Variants in FFAR3 observed in about 807,000 individuals in gnomAD.
FFAR3 encodes the protein free fatty acid receptor 3.
For missense variants in FFAR3, 136 were observed against 446.5 expected (o/e 0.30, Z 6.27); for synonymous variants, 68 against 201.1 (o/e 0.34, Z 5.60).
chr19:35,358,412 C>A (rs2066973823), upstream of FFAR3: 1 of 1,068,564 alleles, frequency 9.4e-7, no homozygotes, highest in Non-Finnish European at 1.1e-6. Flanking sequence ...TTAGAGCATC[C>A]CAGCTGAGAC....
In FFAR3 at chr19:35,359,706, C is replaced by T. The variant is rs754993903; in HGVS notation, c.816C>T (p.Asp272=). ...TCAGCACCCTGAACTCCTGTGTCGA[C>T]CCCTTTGTCTACTACTTCTCCTCCT... ...TLLSTLNSCV[D]PFVYYFSSSG... is the part of the protein sequence containing the mutation. Residue 272 remains aspartate (D), a synonymous_variant, in exon 2 of 2, where the codon GAC becomes GAT. Coordinates refer to ENST00000327809, the MANE Select transcript of FFAR3 (RefSeq NM_005304.5). The T allele has an allele frequency of 6.2e-7, 1 of 1,613,892 alleles. No homozygotes were observed. The highest frequency in any genetic ancestry group is 8.5e-7 in the Non-Finnish European group (1 of 1,179,878).
Position 35,359,733 on chromosome 19 carries a change from C to G in FFAR3, c.843C>G (p.Ser281=), listed in dbSNP as rs199884130. 1.2e-6 allele frequency: 2 copies of G among 1,613,686 alleles called. No homozygotes were observed. The highest frequency in any genetic ancestry group is 1.7e-6 in the Non-Finnish European group (2 of 1,179,764). The change falls in exon 2 of 2, where the codon TCC becomes TCG. Residue 281 remains serine, a synonymous_variant. Coordinates refer to ENST00000327809, the MANE Select transcript of FFAR3 (RefSeq NM_005304.5). ...VDPFVYYFSS[S]GFQADFHELL... ...CCTTTGTCTACTACTTCTCCTCCTCCGGGTTCCAAGCCGACTTTCATGAGC... is the reference window on the plus strand; with the variant it reads ...CCTTTGTCTACTACTTCTCCTCCTCGGGGTTCCAAGCCGACTTTCATGAGC...
At position 35,360,184 on chromosome 19, in the gene FFAR3, C is replaced by T; in HGVS notation, c.*253C>T. On this transcript the variant is annotated 3_prime_UTR_variant, in exon 2 of 2. Transcript: ENST00000327809. ...GGCTGCTCTGGAGAACAATGAGGTC[C>T]TCATAGCAGCAGGCAGCTCCTGTGT... The T allele has an allele frequency of 1.9e-6, 1 of 538,984 alleles. No homozygotes were observed. The allele number at this position is 538,984 out of a possible 1,614,324, so 33.4% of individuals were successfully genotyped here.
At position 35,359,067 on chromosome 19, in the gene FFAR3, C is replaced by T; in HGVS notation, c.177C>T (p.Ala59=). The T allele has an allele frequency of 6.2e-7, 1 of 1,611,806 alleles. No homozygotes were observed. The highest frequency in any genetic ancestry group is 8.5e-7 in the Non-Finnish European group (1 of 1,178,428). The part of the protein sequence containing the change: ...AVDVLLLNLT[A]SDLLLLLFLP... ...ACGTGCTCCTGCTCAACCTGACCGC[C>T]TCGGACCTGCTCCTGCTGCTGTTCC... Residue 59 remains alanine (A), a synonymous_variant, in exon 2 of 2, where the codon GCC becomes GCT. Transcript: ENST00000327809.
chr19:35,359,024 G>A lies in FFAR3; in HGVS notation c.134G>A (p.Arg45His), dbSNP rs62109581. The A allele has an allele frequency of 0.22, 342,827 of 1,585,386 alleles. 9,556 individuals are homozygous for A. Among genetic ancestry groups the A allele is most frequent in the Middle Eastern group, 0.28 (1,651 of 5,924 alleles). Reference protein sequence around the residue: ...ALVVFVGKLQRRPVAVDVLLL... With the variant: ...ALVVFVGKLQHRPVAVDVLLL... ...GTGGTCTTCGTGGGCAAGCTGCAGC[G>A]CCGCCCGGTGGCCGTGGACGTGCTC... Residue 45 changes from arginine (R) to histidine (H), a missense_variant, in exon 2 of 2, where the codon CGC (arginine) becomes CAC (histidine). By Grantham distance (29) the Arg-to-His change is conservative. Coordinates refer to ENST00000327809, the MANE Select transcript of FFAR3 (RefSeq NM_005304.5).
rs1248516403 is a variant in FFAR3, at chr19:35,358,491, C to T, written c.-170C>T. Reference sequence around the variant, plus strand: ...TTAGCATGCTGACCAGCCCTGGCAACGGAGCTCAAGGCATCTATGTGCCAC... The same window carrying T: ...TTAGCATGCTGACCAGCCCTGGCAATGGAGCTCAAGGCATCTATGTGCCAC... On this transcript the variant is annotated 5_prime_UTR_variant, in exon 1 of 2. It adds an upstream start codon to the 5' untranslated region. Coordinates refer to ENST00000327809, the MANE Select transcript of FFAR3 (RefSeq NM_005304.5). 8.5e-5 allele frequency: 99 copies of T among 1,169,638 alleles called. No individual in the cohort carries two copies. The highest frequency in any genetic ancestry group is 1.2e-4 in the South Asian group (6 of 48,254). The allele number at this position is 1,169,638 out of a possible 1,614,324, so 72.5% of individuals were successfully genotyped here.
chr19:35,358,795 A>G (rs1599704846), intron 1 of FFAR3, 85 bp from the exon 2 acceptor site: 1 of 1,195,848 alleles, frequency 8.4e-7, no homozygotes, highest in Non-Finnish European at 1.2e-6. Flanking sequence ...GGGCGTAGTG[A>G]CCTCGTGCCC....
rs1441585440 is a variant in FFAR3, at chr19:35,359,541, C to T, written c.651C>T (p.His217=). The part of the protein sequence containing the change: ...LVWILGRGGS[H]RRQRRVAGLL... ...GGATCCTCGGCAGAGGGGGCAGCCA[C>T]CGCCGGCAGAGGAGGGTGGCGGGGC... The change falls in exon 2 of 2, where the codon CAC becomes CAT. Residue 217 remains histidine, a synonymous_variant. Coordinates refer to ENST00000327809, the MANE Select transcript of FFAR3 (RefSeq NM_005304.5). 6.2e-7 allele frequency: 1 copy of T among 1,613,916 alleles called. No homozygotes were observed.
At position 35,358,505 on chromosome 19, in the gene FFAR3, T is replaced by G; in HGVS notation, c.-156T>G. The G allele has an allele frequency of 1.7e-6, 2 of 1,197,860 alleles. No homozygotes were observed. Among genetic ancestry groups the G allele is most frequent in the Non-Finnish European group, 1.0e-6 (1 of 955,836 alleles). 74.2% of individuals were successfully genotyped at this position (1,197,860 alleles called of 1,614,324 possible). A position where few individuals can be genotyped will look rare whatever the true frequency, so the allele number is the denominator to read the frequency against. ...AGCCCTGGCAACGGAGCTCAAGGCA[T>G]CTATGTGCCACTGCTCAACAGTGAG... On this transcript the variant is annotated 5_prime_UTR_variant, in exon 1 of 2. Coordinates refer to ENST00000327809, the MANE Select transcript of FFAR3 (RefSeq NM_005304.5).
At chr19:35,358,262 A>G (rs754471952), upstream of FFAR3, among the ~76,000 whole-genome samples, 3 of 152,250 alleles carry the variant, frequency 2.0e-5, no homozygotes, top group Admixed American at 6.5e-5. Context: ...AGTCAGGAAG[A>G]AACAGACCTC....
rs1381330637 is a variant in FFAR3 at position 35,358,619 on chromosome 19, C to T, written c.-42C>T. On this transcript the variant is annotated 5_prime_UTR_variant, in exon 1 of 2. Coordinates refer to ENST00000327809, the MANE Select transcript of FFAR3 (RefSeq NM_005304.5). The stretch of plus-strand genomic sequence containing the variant: ...TCTGGAGAGACAGCAAGGTGCTGTG[C>T]GGCAGAGCATTTGGGGTCTCAAAGA... The T allele has an allele frequency of 1.9e-5, 26 of 1,366,582 alleles. No individual in the cohort carries two copies. Among genetic ancestry groups the T allele is most frequent in the South Asian group, 1.8e-4 (12 of 65,260 alleles). The allele number at this position is 1,366,582 out of a possible 1,614,324, so 84.7% of individuals were successfully genotyped here. A position where few individuals can be genotyped will look rare whatever the true frequency, so the allele number is the denominator to read the frequency against.
In FFAR3 at chr19:35,358,491, C is replaced by G; in HGVS notation, c.-170C>G. 8.5e-7 allele frequency: 1 copy of G among 1,169,640 alleles called. No homozygotes were observed. The highest frequency in any genetic ancestry group is 1.1e-6 in the Non-Finnish European group (1 of 940,210). 72.5% of individuals were successfully genotyped at this position (1,169,640 alleles called of 1,614,324 possible). A position where few individuals can be genotyped will look rare whatever the true frequency, so the allele number is the denominator to read the frequency against. The stretch of plus-strand genomic sequence containing the variant: ...TTAGCATGCTGACCAGCCCTGGCAA[C>G]GGAGCTCAAGGCATCTATGTGCCAC... On this transcript the variant is annotated 5_prime_UTR_variant, in exon 1 of 2. Coordinates refer to ENST00000327809, the MANE Select transcript of FFAR3 (RefSeq NM_005304.5).
At chr19:35,358,412 C>T (rs2066973823), upstream of FFAR3, 10 of 1,068,446 alleles carry the variant, frequency 9.4e-6, no homozygotes, top group Non-Finnish European at 1.1e-5. Context: ...TTAGAGCATC[C>T]CAGCTGAGAC....
In FFAR3 at chr19:35,359,463, C is replaced by T. The variant is rs1401023894; in HGVS notation, c.573C>T (p.Val191=). ...LLPVRLEMAV[V]LFVVPLIITS... ...CCGTGCGGCTGGAGATGGCTGTGGT[C>T]CTCTTTGTGGTCCCGCTGATCATCA... is the stretch of plus-strand genomic sequence containing the variant. Residue 191 remains valine, a synonymous_variant, in exon 2 of 2, where the codon GTC becomes GTT. Coordinates refer to ENST00000327809, the MANE Select transcript of FFAR3 (RefSeq NM_005304.5). 1 of 1,613,674 alleles carries T rather than the reference C, an allele frequency of 6.2e-7. No individual in the cohort carries two copies. The highest frequency in any genetic ancestry group is 1.1e-5 in the South Asian group (1 of 91,056).
rs531967960 is a variant in FFAR3 at position 35,360,216 on chromosome 19, G to C, written c.*285G>C. The C allele has an allele frequency of 1.9e-6, 1 of 521,286 alleles. No homozygotes were observed. The highest frequency in any genetic ancestry group is 3.3e-5 in the Admixed American group (1 of 30,722). 32.3% of individuals were successfully genotyped at this position (521,286 alleles called of 1,614,324 possible). ...CAGCAGGCAGCTCCTGTGTTTTCTT[G>C]AGGGTGGCAGAGGAGCTAAGAGCAG... On this transcript the variant is annotated 3_prime_UTR_variant, in exon 2 of 2. Coordinates refer to ENST00000327809, the MANE Select transcript of FFAR3 (RefSeq NM_005304.5).
chr19:35,359,015 A>G lies in FFAR3; in HGVS notation c.125A>G (p.Lys42Arg), dbSNP rs1233120265. 7.4e-6 allele frequency: 12 copies of G among 1,611,528 alleles called. No individual in the cohort carries two copies. The highest frequency in any genetic ancestry group is 1.0e-5 in the Non-Finnish European group (12 of 1,178,328). The change falls in exon 2 of 2, where the codon AAG becomes AGG. Residue 42 changes from lysine (K) to arginine (R), a missense_variant. By Grantham distance (26) the Lys-to-Arg change is conservative. Transcript: ENST00000327809. ...CTGGCCCTGGTGGTCTTCGTGGGCA[A>G]GCTGCAGCGCCGCCCGGTGGCCGTG... ...NLLALVVFVG[K>R]LQRRPVAVDV... is the part of the protein sequence containing the mutation.
chr19:35,358,282 G>A (rs58199607), upstream of FFAR3: 2,956 of 163,764 alleles, frequency 0.018, 59 homozygotes, highest in East Asian at 0.075. Flanking sequence ...CACGGAGCTC[G>A]CTCTCTGTCA....
At chr19:35,358,718 G>A (rs1231875646) in intron 1 of FFAR3, 69 bp downstream of exon 1, 2 of 1,071,974 alleles carry the variant, frequency 1.9e-6, no homozygotes, top group African/African-American at 3.2e-5. Context: ...AGGGACAGGG[G>A]ACAGGGCATG....
rs373181049 is a variant in FFAR3, at chr19:35,359,237, G to A, written c.347G>A (p.Ser116Asn). 3.2e-4 allele frequency: 508 copies of A among 1,582,674 alleles called. 4 individuals are homozygous for A. The highest frequency in any genetic ancestry group is 3.5e-4 in the Middle Eastern group (2 of 5,790). The change falls in exon 2 of 2, where the codon AGT (serine) becomes AAT (asparagine). Residue 116 changes from serine to asparagine, a missense_variant. Ser to Asn is a conservative substitution (Grantham distance 46). Transcript: ENST00000327809. ...LAAVSIERFL[S>N]VAHPLWYKTR... is the part of the protein sequence containing the mutation. ...GCTGTGAGCATTGAACGCTTCCTGA[G>A]TGTGGCCCACCCACTGTGGTACAAG...
Sources: allele counts gnomAD v4.1 joint callset (sites outside exome capture counted in the v4.1 genomes callset), GRCh38; gene constraint gnomAD v4.1.1; transcripts MANE v1.5; gene names NCBI Gene and HGNC (gene_info 2026-07-23, HGNC 2026-07-21).